Variants in ZNF469 observed in about 807,000 individuals in gnomAD.
The protein encoded by ZNF469 is zinc finger protein 469.
In ZNF469, 1 loss-of-function variant was observed where a neutral mutation model predicts 1.0. That is an observed-to-expected ratio of 1.00 (90% CI 0.35 to 4.73). The LOEUF (loss-of-function observed/expected upper bound fraction) is 4.73. ZNF469 is among the 30% of genes most tolerant of loss of function. The pLI, the probability that ZNF469 is intolerant of heterozygous loss-of-function variation, is 0.16. For synonymous variants in ZNF469, 2,703 were observed against 2,363.4 expected (o/e 1.14, Z -4.17); for missense variants, 6,100 against 5,356.3 (o/e 1.14, Z -4.33).
upstream of ZNF469, among the ~76,000 whole-genome samples, chr16:88,381,054 ACG>A (rs1475548231): frequency 4.7e-5 from 7 of 147,826 alleles, no homozygotes; most frequent in African/African-American, 1.8e-4. Context: ...TCACACAGAC[ACG>A]CTCTCACACA....
chr16:88,226,392 G>T, the ZNF469 span, among the ~76,000 whole-genome samples: 7 of 152,040 alleles, frequency 4.6e-5, no homozygotes, highest in South Asian at 2.1e-4. Context: ...AGGCTGGCGT[G>T]GTGCAGCTGC....
At chr16:88,151,458 T>C in the ZNF469 span, among the ~76,000 whole-genome samples, 1 of 152,224 alleles carries the variant, frequency 6.6e-6, no homozygotes, top group East Asian at 1.9e-4. This position sits in a 1 kb window ranked among gnomAD's most constrained non-coding sequence, Gnocchi z 5.4. Flanking sequence ...TCTCCCTGCT[T>C]CCAACCAATT....
chr16:88,375,985 C>T, the ZNF469 span, among the ~76,000 whole-genome samples: 2 of 152,248 alleles, frequency 1.3e-5, no homozygotes, highest in African/African-American at 4.8e-5. Context: ...AAACTTGCCA[C>T]ATTTTTTTCT....
the ZNF469 span, among the ~76,000 whole-genome samples, chr16:88,138,276 C>T: frequency 1 from 151,895 of 152,348 alleles, 75,723 homozygotes; most frequent in Middle Eastern, 1. Context: ...ATCACAATCC[C>T]GTTTAAACCA....
Position 88,433,805 on chromosome 16 carries a change from C to T in ZNF469, c.6335C>T (p.Ala2112Val). The T allele has an allele frequency of 1.3e-6, 2 of 1,549,810 alleles. No homozygotes were observed. The highest frequency in any genetic ancestry group is 1.7e-6 in the Non-Finnish European group (2 of 1,146,846). Residue 2112 changes from alanine to valine, a missense_variant, in exon 3 of 3, where the codon GCC becomes GTC. By Grantham distance (64) the Ala-to-Val change is moderately conservative. Transcript: ENST00000565624. ...GCACCCTCTGTCGGGGACCTGGCCG[C>T]CTGCGCCCCCTCACCCACTTCAGCC... is the stretch of plus-strand genomic sequence containing the variant. ...SPAPSVGDLA[A>V]CAPSPTSAAH...
rs528196033 is a variant in ZNF469 at position 88,403,669 on chromosome 16, T to A, written c.-192+20415T>A. On this transcript the variant is annotated intron_variant, in intron 1 of 2. Coordinates refer to ENST00000565624, the MANE Select transcript of ZNF469 (RefSeq NM_001367624.2). Reference sequence around the variant, plus strand: ...GGCCCCCACAGTTTGTACCATTTGTTTCTGTCTTGATCATTGACCCTTTCC... The same window carrying A: ...GGCCCCCACAGTTTGTACCATTTGTATCTGTCTTGATCATTGACCCTTTCC... Among the ~76,000 whole-genome samples, 4 of 152,354 alleles carry A rather than the reference T, an allele frequency of 2.6e-5. No individual in the cohort carries two copies. The South Asian group carries it at 8.3e-4, about 32-fold the overall frequency.
the ZNF469 span, among the ~76,000 whole-genome samples, chr16:88,256,950 CTT>C: frequency 4.8e-5 from 1 of 20,916 alleles, no homozygotes; most frequent in Admixed American, 6.6e-4. Flanking sequence ...TTCTTTCTTT[CTT>C]TTCTTTTCTT....
At chr16:88,389,780 G>T (rs1019104860) in intron 1 of ZNF469, among the ~76,000 whole-genome samples, 1 of 152,168 alleles carries the variant, frequency 6.6e-6, no homozygotes, top group Non-Finnish European at 1.5e-5. Context: ...AGTGGCCATG[G>T]GGACCTCAAG....
the ZNF469 span, among the ~76,000 whole-genome samples, chr16:88,289,314 G>A: frequency 6.6e-6 from 1 of 151,880 alleles, no homozygotes; most frequent in Non-Finnish European, 1.5e-5. Context: ...GGATGATGGT[G>A]ATGGCGATGA....
At chr16:88,128,162 G>A in the ZNF469 span, among the ~76,000 whole-genome samples, 1 of 152,126 alleles carries the variant, frequency 6.6e-6, no homozygotes, top group South Asian at 2.1e-4. Context: ...GACGGCACCA[G>A]CACAGATGCC....
the ZNF469 span, among the ~76,000 whole-genome samples, chr16:88,346,520 A>AT: frequency 5.9e-5 from 9 of 151,838 alleles, no homozygotes; most frequent in Non-Finnish European, 7.4e-5. Context: ...ATTTACTTTT[A>AT]TTTTTTTTAT....
At chr16:88,193,174 ATGGTGGTGATGGTGG>A in the ZNF469 span, among the ~76,000 whole-genome samples, 13 of 5,070 alleles carry the variant, frequency 2.6e-3, no homozygotes, top group South Asian at 9.6e-3. Flanking sequence ...GGTGGTGGGG[ATGGTGGTGATGGTGG>A]TGGTGGTGAT....
the ZNF469 span, among the ~76,000 whole-genome samples, chr16:88,137,843 G>A: frequency 6.6e-6 from 1 of 152,236 alleles, no homozygotes; most frequent in African/African-American, 2.4e-5. Flanking sequence ...GAGGTGCAGA[G>A]CCCTGGGTTT....
At chr16:88,374,238 A>G in the ZNF469 span, among the ~76,000 whole-genome samples, 1 of 152,186 alleles carries the variant, frequency 6.6e-6, no homozygotes, top group Admixed American at 6.5e-5. Context: ...ACACAGTATG[A>G]CATATGTGTG....
At chr16:88,251,220 A>T in the ZNF469 span, among the ~76,000 whole-genome samples, 1 of 152,160 alleles carries the variant, frequency 6.6e-6, no homozygotes, top group Non-Finnish European at 1.5e-5. Flanking sequence ...GTCTCTGAAC[A>T]CATTTATAAC....
chr16:88,420,139 G>A (rs552227398), intron 1 of ZNF469, among the ~76,000 whole-genome samples: 110 of 152,374 alleles, frequency 7.2e-4, no homozygotes, highest in African/African-American at 2.5e-3. Context: ...GACGAGGGAA[G>A]AAAGGGCAGT....
At chr16:88,417,580 G>A (rs535163279) in intron 1 of ZNF469, among the ~76,000 whole-genome samples, 110 of 152,302 alleles carry the variant, frequency 7.2e-4, no homozygotes, top group African/African-American at 2.0e-3. Context: ...GCCCCCAAAC[G>A]TTTCTCGCTC....
chr16:88,183,723 G>T, the ZNF469 span, among the ~76,000 whole-genome samples: 1 of 152,304 alleles, frequency 6.6e-6, no homozygotes, highest in East Asian at 1.9e-4. Context: ...CATCGAAAAG[G>T]GGTGAGCCTT....
At chr16:88,284,191 C>A in the ZNF469 span, among the ~76,000 whole-genome samples, 1 of 148,174 alleles carries the variant, frequency 6.7e-6, no homozygotes, top group African/African-American at 2.5e-5. Flanking sequence ...CCGAGGTCAG[C>A]GGAGGCTGGT....
Sources: gnomAD v4.1 joint callset for allele counts (sites outside exome capture counted in the v4.1 genomes callset) on GRCh38, gnomAD v4.1.1 for gene constraint, Gnocchi (gnomAD v3.1) non-coding constraint, MANE v1.5 for transcripts, NCBI Gene and HGNC (gene_info 2026-07-23, HGNC 2026-07-21) for gene names.